PEAK1: variants seen among roughly 807,000 people sequenced by gnomAD.
PEAK1 encodes the protein pseudopodium enriched atypical kinase 1.
In PEAK1, 54 loss-of-function variants were observed where a neutral mutation model predicts 124.7. That is an observed-to-expected ratio of 0.43 (90% CI 0.35 to 0.54). The LOEUF (loss-of-function observed/expected upper bound fraction) is 0.54. Ranked by LOEUF, PEAK1 falls within the 20% of genes least tolerant of loss-of-function variation. The pLI is 0.01. For synonymous variants in PEAK1, 719 were observed against 760.0 expected (o/e 0.95, Z 0.89); for missense variants, 2,046 against 2,134.5 (o/e 0.96, Z 0.82).
intron 1 of PEAK1, chr15:77,402,118 C>G: frequency 1.1e-6 from 1 of 911,766 alleles, no homozygotes; most frequent in Non-Finnish European, 1.3e-6. Context: ...ATAATTGTTT[C>G]AACCCGGGAG....
intron 6 of PEAK1, among the ~76,000 whole-genome samples, chr15:77,223,422 C>T (rs970528028): frequency 5.3e-5 from 8 of 151,970 alleles, no homozygotes; most frequent in Non-Finnish European, 1.2e-4. Flanking sequence ...GGATAAAATG[C>T]ATTTGTAAGC....
At chr15:77,161,419 T>C (rs2055627378) in intron 7 of PEAK1, among the ~76,000 whole-genome samples, 1 of 152,212 alleles carries the variant, frequency 6.6e-6, no homozygotes, top group African/African-American at 2.4e-5. Context: ...ATATTCCAGA[T>C]AAAGATTGGT....
intron 2 of PEAK1, among the ~76,000 whole-genome samples, chr15:77,362,868 T>C (rs996761062): frequency 1.3e-5 from 2 of 152,178 alleles, no homozygotes; most frequent in African/African-American, 4.8e-5. Flanking sequence ...TATTTATTTA[T>C]TTTTTTAGAC....
chr15:77,360,416 G>C (rs1421530368), intron 2 of PEAK1, among the ~76,000 whole-genome samples: 2 of 152,184 alleles, frequency 1.3e-5, no homozygotes, highest in Admixed American at 1.3e-4. Flanking sequence ...ATATCAAGAA[G>C]TGAAAAGACC....
intron 2 of PEAK1, among the ~76,000 whole-genome samples, chr15:77,326,861 G>A: frequency 6.6e-6 from 1 of 152,038 alleles, no homozygotes; most frequent in Non-Finnish European, 1.5e-5. Flanking sequence ...GCAGACAGAA[G>A]AAAACCTATC....
rs959728973 is a variant in PEAK1 at position 77,331,051 on chromosome 15, T to C, written c.-603+34112A>G. On this transcript the variant is annotated intron_variant, in intron 2 of 9. Coordinates refer to ENST00000682557, the MANE Select transcript of PEAK1 (RefSeq NM_001385026.1). ...GTCATTTACTATTAGCATTCCTAATTATTGCATAGCATTCCATTATAGACA... is the reference window on the plus strand; with the variant it reads ...GTCATTTACTATTAGCATTCCTAATCATTGCATAGCATTCCATTATAGACA... The C allele has an allele frequency of 8.2e-6, 7 of 854,400 alleles. No individual in the cohort carries two copies. In the East Asian group the frequency reaches 7.3e-4, roughly 89 times the overall value. 52.9% of individuals were successfully genotyped at this position (854,400 alleles called of 1,614,324 possible).
At position 77,313,692 on chromosome 15, in the gene PEAK1, G is replaced by GTGTGTGTGTA. The variant is rs34603921; in HGVS notation, c.-602-27189_-602-27188insTACACACACA. 7.4e-3 allele frequency among the ~76,000 whole-genome samples: 727 copies of GTGTGTGTGTA among 98,638 alleles called. 14 individuals carry two copies. The highest frequency in any genetic ancestry group is 0.019 in the African/African-American group (469 of 24,060). 64.7% of individuals were successfully genotyped at this position (98,638 alleles called of 152,430 possible). A position where few individuals can be genotyped will look rare whatever the true frequency, so the allele number is the denominator to read the frequency against. ...TGTGTGTGTGTGTGTGTGTGTGTGT[G>GTGTGTGTGTA]TATATATATATATGTATGTGTGTGT... On this transcript the variant is annotated intron_variant, in intron 2 of 9. Coordinates refer to ENST00000682557, the MANE Select transcript of PEAK1 (RefSeq NM_001385026.1).
chr15:77,169,709 T>C (rs981274453), intron 7 of PEAK1, among the ~76,000 whole-genome samples: 10 of 152,256 alleles, frequency 6.6e-5, no homozygotes, highest in African/African-American at 2.2e-4. Flanking sequence ...TGGACCAAGG[T>C]AGTAGAAGCA....
chr15:77,222,096 C>G (rs898737325), intron 6 of PEAK1, among the ~76,000 whole-genome samples: 1 of 151,764 alleles, frequency 6.6e-6, no homozygotes, highest in Non-Finnish European at 1.5e-5. Flanking sequence ...TTTTCTGAAT[C>G]ACAGGAATTC....
chr15:77,388,667 A>ATTT (rs2141891298), intron 1 of PEAK1, among the ~76,000 whole-genome samples: 1 of 152,170 alleles, frequency 6.6e-6, no homozygotes, highest in African/African-American at 2.4e-5. Flanking sequence ...TCAACATTTC[A>ATTT]TGTTGATCAT....
chr15:77,199,654 A>G (rs1302327553), intron 6 of PEAK1, among the ~76,000 whole-genome samples: 2 of 152,248 alleles, frequency 1.3e-5, no homozygotes, highest in Non-Finnish European at 2.9e-5. Flanking sequence ...GACTGCGGAT[A>G]TGGCAAAAAT....
chr15:77,314,556 G>C (rs2064752554), intron 2 of PEAK1, among the ~76,000 whole-genome samples: 1 of 151,904 alleles, frequency 6.6e-6, no homozygotes, highest in Non-Finnish European at 1.5e-5. Context: ...TTTTAGTAGA[G>C]GCAGGGTTTC....
At chr15:77,169,582 G>A (rs562303084) in intron 7 of PEAK1, among the ~76,000 whole-genome samples, 2 of 152,330 alleles carry the variant, frequency 1.3e-5, no homozygotes, top group South Asian at 2.1e-4. Flanking sequence ...GAAGGTAGGA[G>A]TAAAATGAAG....
intron 1 of PEAK1, among the ~76,000 whole-genome samples, chr15:77,374,534 G>T (rs1414496704): frequency 6.6e-6 from 1 of 152,096 alleles, no homozygotes; most frequent in East Asian, 1.9e-4. Context: ...AGGGGAGCAA[G>T]TGTGTAGCTG....
At chr15:77,142,740 C>T (rs1347090007) in intron 8 of PEAK1, among the ~76,000 whole-genome samples, 2 of 152,092 alleles carry the variant, frequency 1.3e-5, no homozygotes, top group African/African-American at 4.8e-5. Context: ...AAAATGACCA[C>T]ATATTATATG....
At chr15:77,375,991 T>C (rs961511063) in intron 1 of PEAK1, among the ~76,000 whole-genome samples, 6 of 147,866 alleles carry the variant, frequency 4.1e-5, no homozygotes, top group African/African-American at 1.5e-4. Context: ...AGAGCGAGAC[T>C]CCGTCTCAAA....
chr15:77,351,822 G>C lies in PEAK1; in HGVS notation c.-603+13341C>G, dbSNP rs1027492155. The C allele has an allele frequency of 1.0e-5, 10 of 985,242 alleles. No individual in the cohort carries two copies. The African/African-American group carries it at 1.7e-4, about 17-fold the overall frequency. 61.0% of individuals were successfully genotyped at this position (985,242 alleles called of 1,614,324 possible). ...ACTGAAAAGTTTTGAACACGGGTGT[G>C]GTAACAGTTTGAGTTTTAGACAATT... On this transcript the variant is annotated intron_variant, in intron 2 of 9. Coordinates refer to ENST00000682557, the MANE Select transcript of PEAK1 (RefSeq NM_001385026.1).
Position 77,180,388 on chromosome 15 carries a change from T to A in PEAK1, c.1539A>T (p.Ser513=). The part of the protein sequence containing the change: ...STPNSPVTSS[S]LTPGQISAHF... ...GGGCACTTATTTGTCCTGGTGTCAA[T>A]GAAGATGATGTAACTGGAGAGTTTG... Residue 513 remains serine, a synonymous_variant, in exon 7 of 10, where the codon TCA becomes TCT. Transcript: ENST00000682557. 6.2e-7 allele frequency: 1 copy of A among 1,614,160 alleles called. No individual in the cohort carries two copies. Among genetic ancestry groups the A allele is most frequent in the Non-Finnish European group, 8.5e-7 (1 of 1,180,016 alleles).
intron 6 of PEAK1, among the ~76,000 whole-genome samples, chr15:77,196,934 C>T (rs902065958): frequency 1.3e-5 from 2 of 152,072 alleles, no homozygotes; most frequent in African/African-American, 2.4e-5. Context: ...ACTGCAGCCT[C>T]GACCTCCCCA....
Sources: allele counts gnomAD v4.1 joint callset (sites outside exome capture counted in the v4.1 genomes callset), GRCh38; gene constraint gnomAD v4.1.1; transcripts MANE v1.5; gene names NCBI Gene and HGNC (gene_info 2026-07-23, HGNC 2026-07-21).